The following ARID1B variants were observed in gnomAD, a reference collection of about 807,000 sequenced individuals.
ARID1B encodes AT-rich interactive domain-containing protein 1B.
In ARID1B, 30 loss-of-function variants were observed where a neutral mutation model predicts 212.3. The observed-to-expected ratio is 0.14, with a 90% CI of 0.11 to 0.19. The LOEUF is 0.19. ARID1B is among the 10% of genes least tolerant of loss of function. The pLI is 1.00. For synonymous variants in ARID1B, 1,402 were observed against 1,301.7 expected, an observed-to-expected ratio of 1.08 and a Z score of -1.66; for missense variants, 2,891 against 3,204.0, an observed-to-expected ratio of 0.90 and a Z score of 2.36.
At chr6:156,845,409 T>C (rs1416052110) in intron 2 of ARID1B, among the ~76,000 whole-genome samples, 10 of 152,198 alleles carry the variant, frequency 6.6e-5, no homozygotes. Flanking sequence ...ATCCTCGTTT[T>C]AGTAGGGTTC....
chr6:157,162,269 C>T (rs1790994931), intron 8 of ARID1B, among the ~76,000 whole-genome samples: 1 of 152,186 alleles, frequency 6.6e-6, no homozygotes, highest in Admixed American at 6.5e-5. Flanking sequence ...GTGGGTACTG[C>T]ATGAAATTTC....
chr6:157,039,864 C>T (rs200334943), intron 4 of ARID1B, among the ~76,000 whole-genome samples: 20,650 of 100,800 alleles, frequency 0.2, 2,515 homozygotes, highest in Non-Finnish European at 0.25. Flanking sequence ...CTCTTTCTCT[C>T]TCTTTCTCTT....
intron 4 of ARID1B, among the ~76,000 whole-genome samples, chr6:157,027,836 A>G (rs947001134): frequency 2.6e-5 from 4 of 152,192 alleles, no homozygotes; most frequent in Non-Finnish European, 5.9e-5. Context: ...TCTAACTTCA[A>G]TGGCAGGGTG....
At chr6:157,054,425 T>A (rs2128387129) in intron 4 of ARID1B, among the ~76,000 whole-genome samples, 1 of 152,358 alleles carries the variant, frequency 6.6e-6, no homozygotes, top group East Asian at 1.9e-4. Flanking sequence ...TTATAGTTTT[T>A]TGAAATAATG....
chr6:156,980,593 C>T (rs777992192), intron 4 of ARID1B, among the ~76,000 whole-genome samples: 9 of 152,164 alleles, frequency 5.9e-5, no homozygotes, highest in African/African-American at 9.7e-5. Flanking sequence ...GTGCTTTTCC[C>T]GTAGGAGGAG....
Position 156,778,291 on chromosome 6 carries a change from AACAG to A in ARID1B, c.612_615del (p.Gln204HisfsTer58). On this transcript the variant is annotated frameshift_variant, in exon 1 of 20. Transcript: ENST00000636930. LOFTEE classifies it high-confidence loss of function. ...TTCCAGCAGCAGCAGCAGCAGCAGC[AACAG>A]CAGCAGCAGCAGCAGCAGCAACAGC... 6.5e-7 allele frequency: 1 copy of A among 1,535,488 alleles called. No homozygotes were observed.
chr6:157,085,428 C>A (rs1231985793), intron 5 of ARID1B, among the ~76,000 whole-genome samples: 2 of 152,238 alleles, frequency 1.3e-5, no homozygotes, highest in African/African-American at 4.8e-5. Flanking sequence ...CTCTTGGACA[C>A]AAGGAGCCCA....
chr6:156,841,483 C>T (rs984216388), intron 2 of ARID1B, among the ~76,000 whole-genome samples: 1 of 152,100 alleles, frequency 6.6e-6, no homozygotes, highest in African/African-American at 2.4e-5. Flanking sequence ...TAAACTGTCA[C>T]CATCACAATT....
chr6:157,085,913 A>G (rs1472923588), intron 5 of ARID1B, among the ~76,000 whole-genome samples: 1 of 152,102 alleles, frequency 6.6e-6, no homozygotes, highest in African/African-American at 2.4e-5. Flanking sequence ...CCTCTTCCTC[A>G]CTTCAAATAT....
intron 4 of ARID1B, among the ~76,000 whole-genome samples, chr6:157,062,767 G>A (rs949078114): frequency 2.9e-4 from 43 of 150,036 alleles, no homozygotes; most frequent in Admixed American, 1.1e-3. Flanking sequence ...GCAATGACGC[G>A]ATCTCAGCTC....
intron 4 of ARID1B, among the ~76,000 whole-genome samples, chr6:156,946,245 G>A (rs890452497): frequency 6.6e-6 from 1 of 151,226 alleles, no homozygotes; most frequent in Admixed American, 6.6e-5. Flanking sequence ...GGCAGTGCAC[G>A]CCTGTTATCC....
intron 5 of ARID1B, among the ~76,000 whole-genome samples, chr6:157,110,106 C>T (rs1162946294): frequency 6.6e-6 from 1 of 152,182 alleles, no homozygotes; most frequent in Non-Finnish European, 1.5e-5. Context: ...CTCTGCATGC[C>T]TGCCCACCTG....
chr6:157,011,350 C>T (rs1281804434), intron 4 of ARID1B, among the ~76,000 whole-genome samples: 1 of 152,192 alleles, frequency 6.6e-6, no homozygotes, highest in African/African-American at 2.4e-5. Context: ...AATTCCCTTG[C>T]ATATGAATTC....
chr6:157,036,614 A>ATCCT (rs1173159356), intron 4 of ARID1B: 3 of 325,470 alleles, frequency 9.2e-6, no homozygotes, highest in Non-Finnish European at 1.8e-5. Context: ...ATTTGATAGG[A>ATCCT]GCTCCCGCCG....
At chr6:156,999,022 C>G (rs930345529) in intron 4 of ARID1B, among the ~76,000 whole-genome samples, 3 of 152,214 alleles carry the variant, frequency 2.0e-5, no homozygotes, top group East Asian at 3.9e-4. Flanking sequence ...ATATGTTTCT[C>G]TCTTCAGTGG....
chr6:157,002,377 C>G (rs1019110406), intron 4 of ARID1B, among the ~76,000 whole-genome samples: 4 of 152,144 alleles, frequency 2.6e-5, no homozygotes, highest in Non-Finnish European at 5.9e-5. Context: ...CTCCTTTAAC[C>G]TGTGGATTCT....
At chr6:157,126,543 A>G (rs1419797266) in intron 6 of ARID1B, among the ~76,000 whole-genome samples, 2 of 152,192 alleles carry the variant, frequency 1.3e-5, no homozygotes, top group South Asian at 4.1e-4. Context: ...ATGAGCATAC[A>G]GCGCAGGACT....
intron 4 of ARID1B, among the ~76,000 whole-genome samples, chr6:157,066,344 C>A (rs867894795): frequency 2.0e-5 from 3 of 152,134 alleles, no homozygotes; most frequent in Admixed American, 2.0e-4. Context: ...CAATTCTTTT[C>A]CATTTTGGTT....
intron 4 of ARID1B, among the ~76,000 whole-genome samples, chr6:157,021,959 C>T (rs1583164014): frequency 6.6e-6 from 1 of 151,286 alleles, no homozygotes; most frequent in African/African-American, 2.5e-5. Context: ...TTTTATTTTT[C>T]CCCTACTTCC....
Sources: allele counts gnomAD v4.1 joint callset (sites outside exome capture counted in the v4.1 genomes callset), GRCh38; gene constraint gnomAD v4.1.1; transcripts MANE v1.5; gene names NCBI Gene and HGNC (gene_info 2026-07-23, HGNC 2026-07-21).